Variants in AUTS2 observed in about 807,000 individuals in gnomAD.
AUTS2 encodes activator of transcription and developmental regulator AUTS2, also known as autism susceptibility gene 2 protein.
In AUTS2, 17 loss-of-function variants were observed where a neutral mutation model predicts 112.4. That is an observed-to-expected ratio of 0.15 (90% CI 0.10 to 0.23). AUTS2 has a LOEUF of 0.23. AUTS2 is among the 10% of genes least tolerant of loss of function. The pLI, the probability that AUTS2 is intolerant of heterozygous loss-of-function variation, is 1.00. For synonymous variants in AUTS2, 751 were observed against 702.7 expected (o/e 1.07, Z -1.09); for missense variants, 1,510 against 1,701.6 (o/e 0.89, Z 1.98).
At chr7:70,314,660 G>A (rs1585008149) in intron 4 of AUTS2, among the ~76,000 whole-genome samples, 1 of 152,018 alleles carries the variant, frequency 6.6e-6, no homozygotes, top group African/African-American at 2.4e-5. Flanking sequence ...TTTATTATGT[G>A]TAGATAGCTC....
In AUTS2 at chr7:70,377,323, TAA is replaced by T. The variant is rs1216704335; in HGVS notation, c.661-58427_661-58426del. Among the ~76,000 whole-genome samples, 14 of 65,120 alleles carry T rather than the reference TAA, an allele frequency of 2.1e-4. No homozygotes were observed. The South Asian group carries it at 3.4e-3, about 16-fold the overall frequency. 42.7% of individuals were successfully genotyped at this position (65,120 alleles called of 152,430 possible). ...TGTTTGGGTCTCAAACAAACAAATA[TAA>T]ATATATATATATATATATATATATA... On this transcript the variant is annotated intron_variant, in intron 4 of 18. Transcript: ENST00000342771.
chr7:69,914,348 C>G (rs914452967), intron 2 of AUTS2, among the ~76,000 whole-genome samples: 1 of 124,662 alleles, frequency 8.0e-6, no homozygotes, highest in African/African-American at 3.2e-5. Context: ...CACAGACACA[C>G]ACACACAGAC....
At chr7:70,047,466 A>T (rs1455175111) in intron 2 of AUTS2, among the ~76,000 whole-genome samples, 1 of 152,170 alleles carries the variant, frequency 6.6e-6, no homozygotes, top group Non-Finnish European at 1.5e-5. Context: ...CCTTTATAAC[A>T]TGAGGTGATT....
At chr7:69,996,913 C>T (rs1421423814) in intron 2 of AUTS2, among the ~76,000 whole-genome samples, 7 of 138,358 alleles carry the variant, frequency 5.1e-5, no homozygotes, top group African/African-American at 2.0e-4. Context: ...GGTTTTCCAA[C>T]CTGGCTCCTT....
At chr7:70,132,672 T>A (rs1393182351) in intron 3 of AUTS2, among the ~76,000 whole-genome samples, 1 of 152,050 alleles carries the variant, frequency 6.6e-6, no homozygotes. Flanking sequence ...GCTCCCTGAG[T>A]AATGTACAAT....
chr7:70,168,317 A>G (rs529141375), intron 4 of AUTS2, among the ~76,000 whole-genome samples: 20 of 152,180 alleles, frequency 1.3e-4, no homozygotes, highest in African/African-American at 4.6e-4. Context: ...AACTCTCCCA[A>G]TATTTTCAGC....
intron 4 of AUTS2, among the ~76,000 whole-genome samples, chr7:70,407,548 G>A (rs967327559): frequency 5.9e-5 from 9 of 152,154 alleles, no homozygotes; most frequent in Non-Finnish European, 1.3e-4. Context: ...TTGTGTACAT[G>A]CCCGTCACAT....
At chr7:70,203,351 A>AT (rs1810398358) in intron 4 of AUTS2, among the ~76,000 whole-genome samples, 1 of 147,552 alleles carries the variant, frequency 6.8e-6, no homozygotes. Flanking sequence ...TAATAAAAAA[A>AT]AAAAAAAAAA....
chr7:70,648,896 C>A (rs1417952604), intron 5 of AUTS2, among the ~76,000 whole-genome samples: 3 of 152,046 alleles, frequency 2.0e-5, no homozygotes, highest in Non-Finnish European at 4.4e-5. Context: ...CTGGAAGGAA[C>A]CTTTGTTAAG....
chr7:69,977,814 G>A (rs950744191), intron 2 of AUTS2, among the ~76,000 whole-genome samples: 9 of 152,090 alleles, frequency 5.9e-5, no homozygotes, highest in East Asian at 1.9e-4. Context: ...ATATCATATC[G>A]GATATATGAG....
intron 1 of AUTS2, among the ~76,000 whole-genome samples, chr7:69,725,053 C>T (rs1380834356): frequency 6.6e-6 from 1 of 152,080 alleles, no homozygotes; most frequent in Non-Finnish European, 1.5e-5. Flanking sequence ...TTTGAGAGTT[C>T]TCAGTACCAA....
intron 4 of AUTS2, among the ~76,000 whole-genome samples, chr7:70,370,851 T>A (rs930425668): frequency 1.3e-5 from 2 of 152,120 alleles, no homozygotes; most frequent in Non-Finnish European, 2.9e-5. Flanking sequence ...TTTTTTTTTT[T>A]ATTATAGCCA....
chr7:70,260,678 A>G (rs752445467), intron 4 of AUTS2, among the ~76,000 whole-genome samples: 2 of 152,132 alleles, frequency 1.3e-5, no homozygotes, highest in Non-Finnish European at 2.9e-5. Context: ...TATATAGTGC[A>G]GCAGTCCCAC....
chr7:70,009,195 A>G (rs1799680289), intron 2 of AUTS2, among the ~76,000 whole-genome samples: 1 of 152,148 alleles, frequency 6.6e-6, no homozygotes, highest in Admixed American at 6.5e-5. Flanking sequence ...AGCAGAACTC[A>G]CTTTAATAAC....
chr7:70,496,258 A>G (rs1218231901), intron 5 of AUTS2, among the ~76,000 whole-genome samples: 1 of 135,512 alleles, frequency 7.4e-6, no homozygotes, highest in South Asian at 2.4e-4. Flanking sequence ...CACACACCCC[A>G]CACATGCACA....
intron 2 of AUTS2, among the ~76,000 whole-genome samples, chr7:70,086,890 A>T (rs989178677): frequency 1.3e-5 from 2 of 151,522 alleles, no homozygotes; most frequent in Non-Finnish European, 2.9e-5. Context: ...TGTATTGTAT[A>T]TATAGTTGAT....
chr7:69,855,293 A>AT (rs1460115126), intron 1 of AUTS2, among the ~76,000 whole-genome samples: 1 of 152,198 alleles, frequency 6.6e-6, no homozygotes, highest in Non-Finnish European at 1.5e-5. Context: ...TTGTTGTGAA[A>AT]TTAACATTTT....
At chr7:70,526,942 T>G (rs181487842) in intron 5 of AUTS2, among the ~76,000 whole-genome samples, 17 of 152,358 alleles carry the variant, frequency 1.1e-4, no homozygotes, top group African/African-American at 4.1e-4. Context: ...TGAATGTTTA[T>G]TGACTTGAAT....
intron 1 of AUTS2, among the ~76,000 whole-genome samples, chr7:69,747,784 G>GGGGT (rs373385601): frequency 1.9e-4 from 27 of 144,604 alleles, no homozygotes; most frequent in East Asian, 8.2e-4. Context: ...GAAGGAGAGG[G>GGGGT]GTGTGTGTGT....
Sources: allele counts gnomAD v4.1 joint callset (sites outside exome capture counted in the v4.1 genomes callset), GRCh38; gene constraint gnomAD v4.1.1; transcripts MANE v1.5; gene names NCBI Gene and HGNC (gene_info 2026-07-23, HGNC 2026-07-21).